EPB41L5: variants seen among roughly 807,000 people sequenced by gnomAD.
The protein encoded by EPB41L5 is band 4.1-like protein 5.
In EPB41L5, 55 loss-of-function variants were observed where a neutral mutation model predicts 106.6. The ratio of observed to expected loss-of-function variants is 0.52; its 90% confidence interval spans 0.42 to 0.65. EPB41L5 has a LOEUF of 0.65. Among genes scored for constraint, EPB41L5 ranks in the 30% least tolerant of loss-of-function variants. The probability of loss-of-function intolerance (pLI) is 0.00; values close to 1 mark genes in which losing one functional copy is unlikely to be tolerated. For missense variants in EPB41L5, 871 were observed against 882.1 expected, an observed-to-expected ratio of 0.99 and a Z score of 0.16; for synonymous variants, 297 against 306.7, an observed-to-expected ratio of 0.97 and a Z score of 0.33.
At chr2:120,169,346 A>G (rs1006638001) in intron 24 of EPB41L5, among the ~76,000 whole-genome samples, 5 of 152,218 alleles carry the variant, frequency 3.3e-5, no homozygotes, top group Non-Finnish European at 7.4e-5. Context: ...TCCATTCTGG[A>G]TGGATTGCAG....
intron 16 of EPB41L5, among the ~76,000 whole-genome samples, chr2:120,114,253 A>G (rs1393085753): frequency 6.6e-6 from 1 of 152,234 alleles, no homozygotes; most frequent in Admixed American, 6.5e-5. Flanking sequence ...TTAGAGAAGT[A>G]TCTACAGACA....
intron 3 of EPB41L5, among the ~76,000 whole-genome samples, chr2:120,042,432 A>AC (rs1679461571): frequency 6.6e-6 from 1 of 152,216 alleles, no homozygotes; most frequent in Non-Finnish European, 1.5e-5. Context: ...ACTGGAAAGA[A>AC]TGCTAGAATG....
intron 11 of EPB41L5, 46 bp downstream of exon 11, chr2:120,087,286 T>G: frequency 8.7e-7 from 1 of 1,145,314 alleles, no homozygotes; most frequent in Non-Finnish European, 1.3e-6. Flanking sequence ...AGTGACTGTA[T>G]TATGTGGTAA....
At position 120,135,619 on chromosome 2, in the gene EPB41L5, C is replaced by T. The variant is rs1685890897; in HGVS notation, c.1599+3904C>T. Among the ~76,000 whole-genome samples, 5 of 152,016 alleles carry T rather than the reference C, an allele frequency of 3.3e-5. No homozygotes were observed. In the South Asian group the frequency reaches 1.0e-3, roughly 32 times the overall value. On this transcript the variant is annotated intron_variant, in intron 18 of 24. Coordinates refer to ENST00000263713, the MANE Select transcript of EPB41L5 (RefSeq NM_020909.4). ...AAAGCAGCAAGAGAAAAGAAACAAA[C>T]AACATACAAAGGTGCTTCAGTAAGT...
intron 3 of EPB41L5, among the ~76,000 whole-genome samples, chr2:120,050,036 G>A (rs893944554): frequency 1.6e-4 from 25 of 152,212 alleles, no homozygotes; most frequent in Non-Finnish European, 3.4e-4. Context: ...GAGATCCACT[G>A]TTAGTCTGAT....
At chr2:120,044,151 A>G (rs1174134316) in intron 3 of EPB41L5, among the ~76,000 whole-genome samples, 1 of 152,002 alleles carries the variant, frequency 6.6e-6, no homozygotes, top group African/African-American at 2.4e-5. Context: ...TAAAAAAAAA[A>G]AAAAAAGGAT....
intron 11 of EPB41L5, 95 bp from the exon 12 acceptor site, chr2:120,090,252 G>T: frequency 9.7e-7 from 1 of 1,032,956 alleles, no homozygotes; most frequent in South Asian, 1.8e-5. Flanking sequence ...GAGCACACTA[G>T]ATCCTTTATT....
At chr2:120,051,900 C>T (rs1164922745) in intron 3 of EPB41L5, among the ~76,000 whole-genome samples, 2 of 152,102 alleles carry the variant, frequency 1.3e-5, no homozygotes, top group Non-Finnish European at 2.9e-5. Flanking sequence ...GGTCTTGGCT[C>T]ACTGTAAGCT....
chr2:120,170,755 T>C (rs144090755), intron 24 of EPB41L5, among the ~76,000 whole-genome samples: 61 of 152,220 alleles, frequency 4.0e-4, no homozygotes, highest in African/African-American at 1.4e-3. Flanking sequence ...GAGATGGAGA[T>C]CTTTGGGGTT....
At chr2:120,041,872 G>T in intron 2 of EPB41L5, 134 bp from the exon 3 acceptor site, 1 of 537,192 alleles carries the variant, frequency 1.9e-6, no homozygotes, top group Non-Finnish European at 3.2e-6. Flanking sequence ...TGCATTATCT[G>T]CCACATGCTA....
chr2:120,082,972 G>T (rs931234443), intron 10 of EPB41L5, among the ~76,000 whole-genome samples: 1 of 151,868 alleles, frequency 6.6e-6, no homozygotes. Flanking sequence ...ATTTTTTATT[G>T]CTTCTATTTG....
chr2:120,150,600 A>G lies in EPB41L5; in HGVS notation c.1793+4311A>G, dbSNP rs190848749. Among the ~76,000 whole-genome samples, 24 of 152,132 alleles carry G rather than the reference A, an allele frequency of 1.6e-4. 1 individual carries two copies. In the East Asian group the frequency reaches 3.3e-3, roughly 21 times the overall value. ...CAGGCAATCCTCTTACCTTGGCCCT[A>G]AAAAGTGTTGGGATTACAGGTGTGA... On this transcript the variant is annotated intron_variant, in intron 20 of 24. Transcript: ENST00000263713.
chr2:120,133,379 A>C (rs908278124), intron 18 of EPB41L5, among the ~76,000 whole-genome samples: 2 of 152,124 alleles, frequency 1.3e-5, no homozygotes, highest in Non-Finnish European at 2.9e-5. Context: ...ACAGTCTTGA[A>C]TGGCTGATGC....
intron 16 of EPB41L5, chr2:120,106,591 CA>C (rs1221462680): frequency 1.0e-6 from 1 of 985,088 alleles, no homozygotes; most frequent in African/African-American, 1.7e-5. Context: ...GTCATCAGTA[CA>C]GAACTTAAGT....
chr2:120,037,802 T>C (rs930386650), intron 2 of EPB41L5, among the ~76,000 whole-genome samples: 2 of 152,158 alleles, frequency 1.3e-5, no homozygotes, highest in Admixed American at 6.6e-5. Context: ...GAAAAGACAG[T>C]CTTTTCAACA....
At chr2:120,080,463 T>G (rs1299447185) in intron 10 of EPB41L5, among the ~76,000 whole-genome samples, 1 of 152,244 alleles carries the variant, frequency 6.6e-6, no homozygotes, top group Non-Finnish European at 1.5e-5. Flanking sequence ...CTGCATAGTA[T>G]TCCATGGTGT....
intron 2 of EPB41L5, among the ~76,000 whole-genome samples, chr2:120,027,606 C>T (rs1328528959): frequency 2.6e-5 from 4 of 152,142 alleles, no homozygotes; most frequent in Middle Eastern, 6.8e-3. Context: ...TGTCTTGCTA[C>T]GTTGTCCAGG....
chr2:120,053,426 C>G (rs1235680977), intron 3 of EPB41L5, among the ~76,000 whole-genome samples: 3 of 152,146 alleles, frequency 2.0e-5, no homozygotes, highest in Non-Finnish European at 2.9e-5. Flanking sequence ...TAGAATTGTT[C>G]AGCCATCATC....
intron 2 of EPB41L5, among the ~76,000 whole-genome samples, chr2:120,034,621 G>A (rs1001721210): frequency 6.6e-6 from 1 of 152,048 alleles, no homozygotes; most frequent in African/African-American, 2.4e-5. Context: ...CAGCACTTTG[G>A]GAGGCTGAGG....
Sources: gnomAD v4.1 joint callset for allele counts (sites outside exome capture counted in the v4.1 genomes callset) on GRCh38, gnomAD v4.1.1 for gene constraint, MANE v1.5 for transcripts, NCBI Gene and HGNC (gene_info 2026-07-23, HGNC 2026-07-21) for gene names.